The following COLGALT1 variants were observed in gnomAD, a reference collection of about 807,000 sequenced individuals.
COLGALT1 encodes the protein collagen beta(1-O)galactosyltransferase 1.
A neutral mutation model predicts 60.8 loss-of-function variants in COLGALT1; 43 were observed. The observed-to-expected ratio is 0.71, with a 90% CI of 0.55 to 0.91. The LOEUF (loss-of-function observed/expected upper bound fraction) is 0.91. COLGALT1 is among the 40% of genes least tolerant of loss of function. COLGALT1 has a pLI of 0.00. For missense variants in COLGALT1, 845 were observed against 880.0 expected (o/e 0.96, Z 0.50); for synonymous variants, 369 against 374.2 (o/e 0.99, Z 0.16).
chr19:17,581,208 A>G lies in COLGALT1; in HGVS notation c.1633A>G (p.Asn545Asp). The change falls in exon 12 of 12, where the codon AAC (asparagine) becomes GAC (aspartate). Residue 545 changes from asparagine (N) to aspartate (D), a missense_variant. By Grantham distance (23) the Asn-to-Asp change is conservative. Transcript: ENST00000252599. ...SEYKAHFSLR[N>D]LHAFSVEPLL... ...GTACAAGGCCCACTTCTCCCTCCGC[A>G]ACCTGCATGCCTTCTCTGTGGAGCC... The G allele has an allele frequency of 6.2e-7, 1 of 1,603,828 alleles. No homozygotes were observed. The highest frequency in any genetic ancestry group is 8.5e-7 in the Non-Finnish European group (1 of 1,177,368).
chr19:17,568,410 T>C (rs2076291621), intron 4 of COLGALT1, 99 bp from the exon 5 acceptor site: 3 of 1,048,524 alleles, frequency 2.9e-6, no homozygotes, highest in Admixed American at 3.5e-5. Context: ...CTGCTGTGCC[T>C]GGCTGTCTGT....
chr19:17,556,494 G>C, intron 1 of COLGALT1: 1 of 983,596 alleles, frequency 1.0e-6, no homozygotes, highest in Non-Finnish European at 1.2e-6. Flanking sequence ...CCTCAGACCG[G>C]CGTGGGTGGA....
At chr19:17,574,135 C>T (rs1182222110) in intron 6 of COLGALT1, among the ~76,000 whole-genome samples, 1 of 152,178 alleles carries the variant, frequency 6.6e-6, no homozygotes, top group African/African-American at 2.4e-5. Flanking sequence ...GGGCCTCGCC[C>T]TGCACTGGGC....
rs1393355697 is a variant in COLGALT1 at position 17,581,367 on chromosome 19, C to T, written c.1792C>T (p.Gln598Ter). 6.2e-7 allele frequency: 1 copy of T among 1,613,262 alleles called. No homozygotes were observed. The highest frequency in any genetic ancestry group is 1.3e-5 in the African/African-American group (1 of 75,032). The change falls in exon 12 of 12, where the codon CAG (glutamine) becomes TAG (stop). Residue 598 changes from glutamine to a stop codon, truncating the protein, a stop_gained. Transcript: ENST00000252599. LOFTEE classifies it low-confidence loss of function (END_TRUNC). The part of the protein sequence containing the change: ...RAKSQKMREQ[Q>*]ALSREAKNSD... ...CAAGTCCCAGAAGATGCGGGAGCAGCAGGCACTGAGCCGTGAGGCCAAGAA... is the reference window on the plus strand; with the variant it reads ...CAAGTCCCAGAAGATGCGGGAGCAGTAGGCACTGAGCCGTGAGGCCAAGAA...
intron 5 of COLGALT1, among the ~76,000 whole-genome samples, chr19:17,571,654 G>A (rs1219744577): frequency 1.3e-5 from 2 of 151,720 alleles, no homozygotes; most frequent in Non-Finnish European, 2.9e-5. Context: ...AGAGGCGGAG[G>A]TTGCAGTGAG....
At chr19:17,573,814 C>CA (rs1332867821) in intron 6 of COLGALT1, among the ~76,000 whole-genome samples, 16 of 148,356 alleles carry the variant, frequency 1.1e-4, no homozygotes, top group East Asian at 5.9e-4. Context: ...TTGTCTTTAC[C>CA]AAAAAAAAAT....
In COLGALT1 at chr19:17,579,614, G is replaced by A; in HGVS notation, c.1394+5G>A. Reference sequence around the variant, plus strand: ...GGGCCTGGACTGGGACCTCATGTGAGTGGGGGTCTGAGGATGGGGTGAAGC... The same window carrying A: ...GGGCCTGGACTGGGACCTCATGTGAATGGGGGTCTGAGGATGGGGTGAAGC... On this transcript the variant is annotated splice_donor_5th_base_variant and intron_variant, in intron 10 of 11. Coordinates refer to ENST00000252599, the MANE Select transcript of COLGALT1 (RefSeq NM_024656.4). 6.2e-7 allele frequency: 1 copy of A among 1,612,070 alleles called. No individual in the cohort carries two copies. Among genetic ancestry groups the A allele is most frequent in the Non-Finnish European group, 8.5e-7 (1 of 1,178,932 alleles).
intron 1 of COLGALT1, 29 bp from the exon 2 acceptor site, chr19:17,559,282 A>G: frequency 1.3e-6 from 2 of 1,520,726 alleles, no homozygotes; most frequent in Non-Finnish European, 1.8e-6. Flanking sequence ...AGTCTCCCCA[A>G]GTACGCTGCC....
intron 5 of COLGALT1, among the ~76,000 whole-genome samples, 179 bp from the exon 6 acceptor site, chr19:17,572,303 TA>T (rs34738333): frequency 1.3e-3 from 192 of 144,444 alleles, no homozygotes; most frequent in African/African-American, 1.8e-3. Flanking sequence ...GACTCTGTCT[TA>T]AAAAAAAAAA....
intron 3 of COLGALT1, 77 bp from the exon 4 acceptor site, chr19:17,567,329 C>G: frequency 6.3e-7 from 1 of 1,584,836 alleles, no homozygotes; most frequent in African/African-American, 1.3e-5. Flanking sequence ...CCCCAGGGCA[C>G]TGGCCTTTGC....
chr19:17,561,469 G>C (rs553228135), intron 3 of COLGALT1, among the ~76,000 whole-genome samples: 2 of 151,708 alleles, frequency 1.3e-5, no homozygotes, highest in African/African-American at 4.8e-5. Flanking sequence ...CAGGGGCTGG[G>C]GGGTGGTGGC....
chr19:17,555,941 G>A lies in COLGALT1; in HGVS notation c.228G>A (p.Arg76=). 2 of 1,389,940 alleles carry A rather than the reference G, an allele frequency of 1.4e-6. No individual in the cohort carries two copies. Among genetic ancestry groups the A allele is most frequent in the Non-Finnish European group, 1.9e-6 (2 of 1,071,564 alleles). 86.1% of individuals were successfully genotyped at this position (1,389,940 alleles called of 1,614,324 possible). A position where few individuals can be genotyped will look rare whatever the true frequency, so the allele number is the denominator to read the frequency against. ...CCACCACGCTGGGCGCACTCGAGCG[G>A]CTGCGGCACCCGCGGGAGCGCACGG... ...ALPTTLGALE[R]LRHPRERTAL... is the part of the protein sequence containing the mutation. Residue 76 remains arginine, a synonymous_variant, in exon 1 of 12, where the codon CGG becomes CGA. Coordinates refer to ENST00000252599, the MANE Select transcript of COLGALT1 (RefSeq NM_024656.4).
At chr19:17,556,146 C>T (rs1055381003) in intron 1 of COLGALT1, among the ~76,000 whole-genome samples, 173 bp downstream of exon 1, 1 of 151,638 alleles carries the variant, frequency 6.6e-6, no homozygotes, top group Admixed American at 6.6e-5. Flanking sequence ...CTGCCCGCTG[C>T]CCCCATCGGG....
Position 17,579,484 on chromosome 19 carries a change from G to A in COLGALT1, c.1269G>A (p.Val423=), listed in dbSNP as rs761428179. 1 of 1,614,088 alleles carries A rather than the reference G, an allele frequency of 6.2e-7. No homozygotes were observed. The highest frequency in any genetic ancestry group is 8.5e-7 in the Non-Finnish European group (1 of 1,179,976). ...TGTGGCGGGGCTTCCTCCCTCAGGTGGTGGACCGGGGGCTGCAGAAATCGC... is the reference window on the plus strand; with the variant it reads ...TGTGGCGGGGCTTCCTCCCTCAGGTAGTGGACCGGGGGCTGCAGAAATCGC... ...FLSHYNIWKE[V]VDRGLQKSLV... is the part of the protein sequence containing the mutation. Residue 423 remains valine (V), a splice_region_variant and synonymous_variant, in exon 10 of 12, where the codon GTG becomes GTA. Coordinates refer to ENST00000252599, the MANE Select transcript of COLGALT1 (RefSeq NM_024656.4).
chr19:17,572,881 G>C (rs1278350495), intron 6 of COLGALT1, among the ~76,000 whole-genome samples: 2 of 152,180 alleles, frequency 1.3e-5, no homozygotes, highest in African/African-American at 4.8e-5. Flanking sequence ...TCACCATAAA[G>C]GGGATTGCAG....
In COLGALT1 at chr19:17,567,030, G is replaced by A. The variant is rs1265405753; in HGVS notation, c.490-376G>A. ...CTCGGGAGGCTGAGACAGGAGAATC[G>A]CTTGAACCCAGGAGGCGGAGGTTGC... On this transcript the variant is annotated intron_variant, in intron 3 of 11. Transcript: ENST00000252599. Among the ~76,000 whole-genome samples, 3 of 152,088 alleles carry A rather than the reference G, an allele frequency of 2.0e-5. No homozygotes were observed. The East Asian group carries it at 5.8e-4, about 29-fold the overall frequency.
At position 17,581,481 on chromosome 19, in the gene COLGALT1, G is replaced by A; in HGVS notation, c.*37G>A. 6.3e-7 allele frequency: 1 copy of A among 1,585,772 alleles called. No individual in the cohort carries two copies. The highest frequency in any genetic ancestry group is 1.3e-5 in the African/African-American group (1 of 74,832). On this transcript the variant is annotated 3_prime_UTR_variant, in exon 12 of 12. Transcript: ENST00000252599. ...CAGAAAGCCAAAGCAGCCATCGGTG[G>A]CCCAGGCTCCACGTGCTTACTGAGG... is the stretch of plus-strand genomic sequence containing the variant.
chr19:17,578,746 C>T (rs1030744601), intron 9 of COLGALT1, among the ~76,000 whole-genome samples: 1 of 152,198 alleles, frequency 6.6e-6, no homozygotes, highest in Non-Finnish European at 1.5e-5. Context: ...CGTGGTGGCT[C>T]ATGCCTGTAA....
In COLGALT1 at chr19:17,564,465, A is replaced by G. The variant is rs562952807; in HGVS notation, c.490-2941A>G. ...GGAGTCTCATTTTGTCACCCAGGCT[A>G]GAGTGCAGTGGCGCCATCTCGGCTC... is the stretch of plus-strand genomic sequence containing the variant. On this transcript the variant is annotated intron_variant, in intron 3 of 11. Transcript: ENST00000252599. Among the ~76,000 whole-genome samples, 17 of 133,506 alleles carry G rather than the reference A, an allele frequency of 1.3e-4. 2 individuals are homozygous for G. The East Asian group carries it at 3.3e-3, about 26-fold the overall frequency. 87.6% of individuals were successfully genotyped at this position (133,506 alleles called of 152,430 possible). A position where few individuals can be genotyped will look rare whatever the true frequency, so the allele number is the denominator to read the frequency against.
Sources: allele counts gnomAD v4.1 joint callset (sites outside exome capture counted in the v4.1 genomes callset), GRCh38; gene constraint gnomAD v4.1.1; transcripts MANE v1.5; gene names NCBI Gene and HGNC (gene_info 2026-07-23, HGNC 2026-07-21).